GRM8: variants seen among roughly 807,000 people sequenced by gnomAD.
GRM8 encodes metabotropic glutamate receptor 8.
GRM8 carries 47 observed loss-of-function variants against 87.2 expected under a neutral mutation model. The observed-to-expected ratio is 0.54, with a 90% CI of 0.43 to 0.69. The LOEUF (loss-of-function observed/expected upper bound fraction) is 0.69. Among genes scored for constraint, GRM8 ranks in the 30% least tolerant of loss-of-function variants. GRM8 has a pLI of 0.00. For missense variants in GRM8, 1,019 were observed against 1,139.2 expected (o/e 0.89, Z 1.52); for synonymous variants, 396 against 404.5 (o/e 0.98, Z 0.25).
At chr7:126,802,989 G>A (rs78762289) in intron 6 of GRM8, among the ~76,000 whole-genome samples, 3,087 of 152,232 alleles carry the variant, frequency 0.02, 102 homozygotes, top group African/African-American at 0.066. Context: ...GTCGTTCTTA[G>A]CAGGATTTAC....
intron 9 of GRM8, among the ~76,000 whole-genome samples, chr7:126,501,291 T>C (rs1584843760): frequency 6.6e-6 from 1 of 152,124 alleles, no homozygotes; most frequent in South Asian, 2.1e-4. Flanking sequence ...CATTGAACAT[T>C]GGCTACCCAA....
intron 6 of GRM8, among the ~76,000 whole-genome samples, chr7:126,886,246 A>T (rs61669096): frequency 6.6e-6 from 1 of 152,158 alleles, no homozygotes; most frequent in Non-Finnish European, 1.5e-5. Context: ...GAATCCATTA[A>T]GTACACAACT....
At chr7:126,743,897 T>C (rs1220111574) in intron 7 of GRM8, among the ~76,000 whole-genome samples, 1 of 124,694 alleles carries the variant, frequency 8.0e-6, no homozygotes, top group Non-Finnish European at 1.9e-5. Context: ...TTTGCACTTA[T>C]GGTAAAAAAA....
chr7:127,209,824 C>T (rs750346954), intron 2 of GRM8, among the ~76,000 whole-genome samples: 2 of 152,088 alleles, frequency 1.3e-5, no homozygotes, highest in African/African-American at 2.4e-5. Flanking sequence ...CAAATACTAG[C>T]AAGTGAATTA....
At chr7:126,608,849 C>T (rs1049808676) in intron 8 of GRM8, among the ~76,000 whole-genome samples, 25 of 151,628 alleles carry the variant, frequency 1.6e-4, no homozygotes, top group Middle Eastern at 3.4e-3. Flanking sequence ...CTGCAAGCTC[C>T]GCCTCCCGGG....
chr7:127,076,278 T>C (rs1822252952), intron 3 of GRM8: 1 of 453,458 alleles, frequency 2.2e-6, no homozygotes, highest in African/African-American at 2.0e-5. Context: ...AGACTTTTAA[T>C]GCTGTAATAT....
Position 127,151,632 on chromosome 7 carries a change from C to T in GRM8, c.511-44920G>A, listed in dbSNP as rs17865512. On this transcript the variant is annotated intron_variant, in intron 2 of 10. Transcript: ENST00000339582. Reference sequence around the variant, plus strand: ...TATCGTCCTCACAGAGTTCTTGAGCCCCTGAGTTTACGGCTTTCTACTGGG... The same window carrying T: ...TATCGTCCTCACAGAGTTCTTGAGCTCCTGAGTTTACGGCTTTCTACTGGG... Among the ~76,000 whole-genome samples, 1,045 of 152,080 alleles carry T rather than the reference C, an allele frequency of 6.9e-3. 14 individuals carry two copies. Among genetic ancestry groups the T allele is most frequent in the African/African-American group, 0.023 (935 of 41,482 alleles).
intron 3 of GRM8, among the ~76,000 whole-genome samples, chr7:126,967,271 T>C (rs1421443681): frequency 6.6e-6 from 1 of 152,198 alleles, no homozygotes; most frequent in African/African-American, 2.4e-5. Context: ...AATACACTTA[T>C]AAACTTGACT....
chr7:126,470,173 A>T (rs1412131251), intron 9 of GRM8, among the ~76,000 whole-genome samples: 2 of 151,902 alleles, frequency 1.3e-5, no homozygotes, highest in African/African-American at 2.4e-5. Context: ...CTGGCAGAAG[A>T]ATTTCTTTTT....
intron 9 of GRM8, among the ~76,000 whole-genome samples, chr7:126,532,708 T>C (rs542145336): frequency 1.4e-5 from 2 of 147,658 alleles, no homozygotes; most frequent in African/African-American, 2.5e-5. Context: ...GTGTTTTTCA[T>C]GGAAAATCAG....
At chr7:126,582,933 T>G (rs1332068736) in intron 8 of GRM8, among the ~76,000 whole-genome samples, 1 of 152,212 alleles carries the variant, frequency 6.6e-6, no homozygotes, top group Non-Finnish European at 1.5e-5. Flanking sequence ...ACAAGGTACT[T>G]AGTCACCCCA....
At chr7:127,232,829 C>G (rs1024942296) in intron 2 of GRM8, among the ~76,000 whole-genome samples, 2 of 151,958 alleles carry the variant, frequency 1.3e-5, no homozygotes, top group African/African-American at 4.8e-5. Flanking sequence ...CTATTATTAA[C>G]TGGGGTTTTT....
rs1202960255 is a variant in GRM8, at chr7:127,242,902, G to T, written c.303C>A (p.Arg101=). 6.2e-7 allele frequency: 1 copy of T among 1,613,924 alleles called. No homozygotes were observed. The highest frequency in any genetic ancestry group is 1.7e-5 in the Admixed American group (1 of 60,020). Residue 101 remains arginine, a synonymous_variant, in exon 2 of 11, where the codon CGC becomes CGA. Coordinates refer to ENST00000339582, the MANE Select transcript of GRM8 (RefSeq NM_000845.3). The part of the protein sequence containing the change: ...DLLSNITLGV[R]ILDTCSRDTY... ...TGTCCCTAGAGCACGTGTCGAGGAT[G>T]CGGACACCCAGAGTGATGTTGGAAA...
intron 7 of GRM8, among the ~76,000 whole-genome samples, chr7:126,710,432 TTAAC>T (rs1810986379): frequency 6.6e-6 from 1 of 152,246 alleles, no homozygotes; most frequent in Non-Finnish European, 1.5e-5. Flanking sequence ...TGCTGCCTTA[TTAAC>T]TAAGTTTATA....
chr7:126,941,207 T>C (rs1331901498), intron 3 of GRM8, among the ~76,000 whole-genome samples: 2 of 152,150 alleles, frequency 1.3e-5, no homozygotes, highest in African/African-American at 4.8e-5. Context: ...GTGGACGTTT[T>C]CAATCTCAGC....
intron 10 of GRM8, among the ~76,000 whole-genome samples, chr7:126,444,619 ATCACAGGATAG>A (rs1279815820): frequency 1.3e-5 from 2 of 152,116 alleles, no homozygotes; most frequent in African/African-American, 4.8e-5. Flanking sequence ...CTAATTAACT[ATCACAGGATAG>A]TTCTGTGTAT....
chr7:126,934,511 A>C (rs953091272), intron 3 of GRM8, among the ~76,000 whole-genome samples: 2 of 152,302 alleles, frequency 1.3e-5, no homozygotes, highest in African/African-American at 4.8e-5. Context: ...AAAGTCAAAA[A>C]ACATTAAATA....
intron 7 of GRM8, among the ~76,000 whole-genome samples, chr7:126,627,039 AAC>A (rs1465620050): frequency 6.6e-6 from 1 of 152,168 alleles, no homozygotes; most frequent in African/African-American, 2.4e-5. Context: ...TAAGTCTTAA[AAC>A]AGTTATATAA....
chr7:127,113,122 C>A (rs1458581873), intron 2 of GRM8, among the ~76,000 whole-genome samples: 4 of 152,160 alleles, frequency 2.6e-5, no homozygotes, highest in African/African-American at 9.7e-5. Flanking sequence ...ACCAGAAATA[C>A]TTTTTGTGGC....
Sources: gnomAD v4.1 joint callset for allele counts (sites outside exome capture counted in the v4.1 genomes callset) on GRCh38, gnomAD v4.1.1 for gene constraint, MANE v1.5 for transcripts, NCBI Gene and HGNC (gene_info 2026-07-23, HGNC 2026-07-21) for gene names.